SLC37A1: variants seen among roughly 807,000 people sequenced by gnomAD.
SLC37A1 encodes solute carrier family 37 member 1.
Under a neutral mutation model 75.3 loss-of-function variants are expected in SLC37A1, and 49 were observed. The observed-to-expected ratio is 0.65, with a 90% CI of 0.52 to 0.83. The LOEUF (loss-of-function observed/expected upper bound fraction) is 0.83, where lower values mean the gene tolerates loss of function less well. Ranked by LOEUF, SLC37A1 falls within the 40% of genes least tolerant of loss-of-function variation. The pLI is 0.00. For synonymous variants in SLC37A1, 268 were observed against 292.1 expected, an observed-to-expected ratio of 0.92 and a Z score of 0.84; for missense variants, 566 against 695.0, an observed-to-expected ratio of 0.81 and a Z score of 2.09.
intron 10 of SLC37A1, among the ~76,000 whole-genome samples, chr21:42,557,359 G>T (rs1371568006): frequency 6.6e-6 from 1 of 152,278 alleles, no homozygotes; most frequent in African/African-American, 2.4e-5. Flanking sequence ...CTTAGCCACA[G>T]TAGAGCATTA....
At chr21:42,574,644 C>T (rs144600870) in intron 17 of SLC37A1, among the ~76,000 whole-genome samples, 174 bp from the exon 18 acceptor site, 2 of 152,240 alleles carry the variant, frequency 1.3e-5, no homozygotes, top group African/African-American at 4.8e-5. Flanking sequence ...AAGGCTCAAC[C>T]TATACTAGGC....
At chr21:42,563,510 T>C (rs553822762) in intron 12 of SLC37A1, among the ~76,000 whole-genome samples, 1 of 149,162 alleles carries the variant, frequency 6.7e-6, no homozygotes, top group Admixed American at 6.6e-5. Flanking sequence ...CCAGGCGCCT[T>C]CCACACCTCC....
At chr21:42,555,043 T>C (rs1056512992) in intron 10 of SLC37A1, among the ~76,000 whole-genome samples, 4 of 148,710 alleles carry the variant, frequency 2.7e-5, no homozygotes, top group African/African-American at 1.0e-4. Context: ...TGGAGTGCAG[T>C]GGCATGATCT....
chr21:42,569,969 G>A (rs116859718), intron 17 of SLC37A1, among the ~76,000 whole-genome samples: 13,533 of 151,452 alleles, frequency 0.089, 846 homozygotes, highest in Non-Finnish European at 0.13. Flanking sequence ...CTTGTTCTGC[G>A]TTTCCTTGTT....
At chr21:42,530,849 G>A (rs996009482) in intron 3 of SLC37A1, among the ~76,000 whole-genome samples, 1 of 152,100 alleles carries the variant, frequency 6.6e-6, no homozygotes, top group African/African-American at 2.4e-5. Flanking sequence ...AATGTGTCGC[G>A]TGGCTGTAGT....
intron 3 of SLC37A1, among the ~76,000 whole-genome samples, chr21:42,526,512 G>A (rs2054797316): frequency 6.6e-6 from 1 of 152,166 alleles, no homozygotes; most frequent in Admixed American, 6.5e-5. Context: ...CAGCCCAGTG[G>A]CCCCTCGCTC....
chr21:42,570,233 G>GCGACACACGGCC (rs2147034985), intron 17 of SLC37A1, among the ~76,000 whole-genome samples: 3 of 134,422 alleles, frequency 2.2e-5, no homozygotes, highest in African/African-American at 8.8e-5. Context: ...CCGTTGCCAT[G>GCGACACACGGCC]TCATGTGACA....
At chr21:42,531,704 A>C (rs2054986074) in intron 3 of SLC37A1, among the ~76,000 whole-genome samples, 1 of 151,396 alleles carries the variant, frequency 6.6e-6, no homozygotes, top group African/African-American at 2.4e-5. Flanking sequence ...TTACCAGTTC[A>C]TCTTAACCTA....
chr21:42,551,010 A>G (rs753366969), intron 9 of SLC37A1, among the ~76,000 whole-genome samples: 43 of 152,234 alleles, frequency 2.8e-4, no homozygotes, highest in Non-Finnish European at 1.2e-4. Flanking sequence ...GAGATCAGGA[A>G]CAAGACTAGG....
chr21:42,557,803 A>G (rs1399921), intron 10 of SLC37A1, among the ~76,000 whole-genome samples: 21,117 of 151,352 alleles, frequency 0.14, 2,117 homozygotes, highest in African/African-American at 0.28. Context: ...TTTTAATTAA[A>G]CTACATTTTT....
intron 10 of SLC37A1, among the ~76,000 whole-genome samples, chr21:42,555,622 C>G (rs1018485395): frequency 6.6e-6 from 1 of 152,188 alleles, no homozygotes; most frequent in African/African-American, 2.4e-5. Context: ...GTCCAAAAGG[C>G]TGTCACCCCT....
intron 1 of SLC37A1, among the ~76,000 whole-genome samples, chr21:42,517,971 A>G (rs1405277341): frequency 6.6e-6 from 1 of 152,186 alleles, no homozygotes; most frequent in Non-Finnish European, 1.5e-5. Context: ...TGGTTTTGTG[A>G]ATGGGTTGAT....
At chr21:42,580,027 G>A (rs908699997) in intron 19 of SLC37A1, among the ~76,000 whole-genome samples, 11 of 152,180 alleles carry the variant, frequency 7.2e-5, no homozygotes, top group Admixed American at 2.6e-4. Flanking sequence ...GGGAATTGCC[G>A]TCTTTGGCAT....
intron 2 of SLC37A1, among the ~76,000 whole-genome samples, chr21:42,506,716 G>C (rs951876569): frequency 6.6e-6 from 1 of 152,056 alleles, no homozygotes; most frequent in Non-Finnish European, 1.5e-5. Context: ...GACTTTCACA[G>C]GGTCCCAAAA....
At chr21:42,513,347 G>C (rs1034692442), upstream of SLC37A1, among the ~76,000 whole-genome samples, 2 of 152,250 alleles carry the variant, frequency 1.3e-5, no homozygotes, top group Non-Finnish European at 2.9e-5. Flanking sequence ...TTACAAGTTG[G>C]TTCGACATAG....
Position 42,514,970 on chromosome 21 carries a change from T to C in SLC37A1, c.-179+253T>C, listed in dbSNP as rs1017325539. The C allele has an allele frequency of 1.3e-5, 2 of 152,290 alleles. No individual in the cohort carries two copies. Among genetic ancestry groups the C allele is most frequent in the African/African-American group, 2.4e-5 (1 of 41,466 alleles). 9.4% of individuals were successfully genotyped at this position (152,290 alleles called of 1,614,324 possible). A position where few individuals can be genotyped will look rare whatever the true frequency, so the allele number is the denominator to read the frequency against. ...TAAATATTTTAGACTTCCCCCGTTG[T>C]TTTTTTATTAATCCCCTTTGAGAGC... is the stretch of plus-strand genomic sequence containing the variant. On this transcript the variant is annotated intron_variant, in intron 1 of 19. Coordinates refer to ENST00000352133, the MANE Select transcript of SLC37A1 (RefSeq NM_001320537.2). This position sits in a 1 kb window ranked among gnomAD's most constrained non-coding sequence, Gnocchi z 4.8.
At chr21:42,526,250 T>C (rs1268146550) in intron 3 of SLC37A1, among the ~76,000 whole-genome samples, 1 of 152,234 alleles carries the variant, frequency 6.6e-6, no homozygotes, top group Non-Finnish European at 1.5e-5. Context: ...CTTGGAACGC[T>C]GCATTTTTGT....
intron 5 of SLC37A1, 59 bp from the exon 6 acceptor site, chr21:42,539,453 G>A: frequency 6.4e-7 from 1 of 1,552,242 alleles, no homozygotes. Flanking sequence ...CAGCCACGAG[G>A]TTGCTAACAT....
intron 3 of SLC37A1, among the ~76,000 whole-genome samples, chr21:42,530,648 A>ACCCCCCCCCC (rs2054935328): frequency 3.6e-5 from 1 of 27,658 alleles, no homozygotes; most frequent in Non-Finnish European, 7.4e-5. Flanking sequence ...ACACACACAC[A>ACCCCCCCCCC]CACACACCCC....
Sources: gnomAD v4.1 joint callset for allele counts (sites outside exome capture counted in the v4.1 genomes callset) on GRCh38, gnomAD v4.1.1 for gene constraint, Gnocchi (gnomAD v3.1) non-coding constraint, MANE v1.5 for transcripts, NCBI Gene and HGNC (gene_info 2026-07-23, HGNC 2026-07-21) for gene names.